Variants in CAPZA2 observed in about 807,000 individuals in gnomAD.
The protein encoded by CAPZA2 is capping actin protein of muscle Z-line subunit alpha 2, also known as F-actin-capping protein subunit alpha-2.
In CAPZA2, 13 loss-of-function variants were observed where a neutral mutation model predicts 44.0. That is an observed-to-expected ratio of 0.30 (90% CI 0.19 to 0.47). The LOEUF is 0.47. CAPZA2 is among the 20% of genes least tolerant of loss of function. The pLI is 1.00. For missense variants in CAPZA2, 244 were observed against 338.6 expected (o/e 0.72, Z 2.19); for synonymous variants, 94 against 108.2 (o/e 0.87, Z 0.81).
At chr7:116,906,582 G>T in intron 6 of CAPZA2, 1 of 508,984 alleles carries the variant, frequency 2.0e-6, no homozygotes, top group Non-Finnish European at 3.1e-6. Context: ...ACAGCATCCT[G>T]AGGGAGCATG....
chr7:116,911,529 C>G (rs963845081), intron 7 of CAPZA2, among the ~76,000 whole-genome samples: 2 of 152,090 alleles, frequency 1.3e-5, no homozygotes, highest in Non-Finnish European at 2.9e-5. Flanking sequence ...TTTTTTAACC[C>G]TCAGAAAGAA....
At chr7:116,874,632 C>G (rs1796598264) in intron 1 of CAPZA2, 2 of 152,208 alleles carry the variant, frequency 1.3e-5, no homozygotes, top group South Asian at 4.1e-4. Flanking sequence ...TGATCCTAAG[C>G]AGCATCTCCT....
At chr7:116,892,800 C>T (rs186440275) in intron 2 of CAPZA2, among the ~76,000 whole-genome samples, 194 bp from the exon 3 acceptor site, 1 of 150,046 alleles carries the variant, frequency 6.7e-6, no homozygotes, top group Admixed American at 6.7e-5. Flanking sequence ...CATTCCCCTT[C>T]ATATTTACTA....
intron 4 of CAPZA2, among the ~76,000 whole-genome samples, chr7:116,899,802 A>C (rs981584010): frequency 4.0e-5 from 6 of 151,672 alleles, no homozygotes; most frequent in African/African-American, 1.4e-4. Flanking sequence ...TAGCCTCCAA[A>C]GTCACTTTAT....
chr7:116,870,598 C>T (rs916186901), intron 1 of CAPZA2, among the ~76,000 whole-genome samples: 3 of 152,150 alleles, frequency 2.0e-5, no homozygotes, highest in Admixed American at 1.3e-4. Context: ...TATGCCACTA[C>T]CATAACCCAG....
At chr7:116,895,517 A>G (rs1450012134) in intron 3 of CAPZA2, among the ~76,000 whole-genome samples, 1 of 152,124 alleles carries the variant, frequency 6.6e-6, no homozygotes, top group Non-Finnish European at 1.5e-5. Context: ...TGATATTCTG[A>G]TCTTTTAAGT....
At chr7:116,896,775 T>C (rs577805044) in intron 3 of CAPZA2, among the ~76,000 whole-genome samples, 2 of 152,210 alleles carry the variant, frequency 1.3e-5, no homozygotes, top group South Asian at 2.1e-4. Flanking sequence ...TCAGTAAGTA[T>C]TTGCATAGAT....
In CAPZA2 at chr7:116,918,989, T is replaced by C. The variant is rs1014496855; in HGVS notation, c.*1122T>C. On this transcript the variant is annotated 3_prime_UTR_variant, in exon 10 of 10. Transcript: ENST00000361183. The stretch of plus-strand genomic sequence containing the variant: ...TACCATAGGGAGTGAAGTGGAGTTA[T>C]GGTTTCATTCAATAGAGTATTGCTG... 2 of 152,130 alleles carry C rather than the reference T, an allele frequency of 1.3e-5. No individual in the cohort carries two copies. Among genetic ancestry groups the C allele is most frequent in the Admixed American group, 6.5e-5 (1 of 15,272 alleles). The allele number at this position is 152,130 out of a possible 1,614,324, so 9.4% of individuals were successfully genotyped here.
rs905329129 is a variant in CAPZA2 at position 116,920,520 on chromosome 7, A to G, written c.*2653A>G. The G allele has an allele frequency of 2.0e-5, 3 of 152,274 alleles. No individual in the cohort carries two copies. Among genetic ancestry groups the G allele is most frequent in the African/African-American group, 7.2e-5 (3 of 41,436 alleles). The allele number at this position is 152,274 out of a possible 1,614,324, so 9.4% of individuals were successfully genotyped here. On this transcript the variant is annotated 3_prime_UTR_variant, in exon 10 of 10. Transcript: ENST00000361183. ...CTAGGTATATCCTAAAGGTAAAATCAGCAAGACCTGGGGAGAGTTTGGTCA... is the reference window on the plus strand; with the variant it reads ...CTAGGTATATCCTAAAGGTAAAATCGGCAAGACCTGGGGAGAGTTTGGTCA...
At chr7:116,888,623 T>C (rs144223902) in intron 2 of CAPZA2, 2 of 152,038 alleles carry the variant, frequency 1.3e-5, no homozygotes, top group African/African-American at 4.9e-5. Flanking sequence ...GGCAGGTCAC[T>C]TGAGACCAGG....
intron 6 of CAPZA2, 96 bp from the exon 7 acceptor site, chr7:116,910,137 C>T: frequency 1.3e-6 from 1 of 742,460 alleles, no homozygotes; most frequent in Admixed American, 2.0e-5. Flanking sequence ...ATCCCCCACA[C>T]TCTCTCATAC....
chr7:116,875,753 C>T (rs1182023815), intron 1 of CAPZA2: 2 of 151,418 alleles, frequency 1.3e-5, no homozygotes, highest in African/African-American at 4.9e-5. Flanking sequence ...CAGGATCTCA[C>T]CATGTTGACC....
chr7:116,917,234 T>C (rs566157199), intron 9 of CAPZA2, among the ~76,000 whole-genome samples: 4 of 152,188 alleles, frequency 2.6e-5, no homozygotes, highest in Admixed American at 2.0e-4. Context: ...CTTTTTCTTC[T>C]AGCTGCTTTT....
intron 1 of CAPZA2, among the ~76,000 whole-genome samples, chr7:116,879,290 A>G (rs1052547368): frequency 6.6e-6 from 1 of 152,186 alleles, no homozygotes; most frequent in African/African-American, 2.4e-5. Context: ...AGCCTGGGTC[A>G]GTCTGGCTCC....
intron 6 of CAPZA2, 102 bp downstream of exon 6, chr7:116,906,444 G>A (rs2115965046): frequency 1.4e-6 from 2 of 1,471,634 alleles, no homozygotes; most frequent in East Asian, 4.9e-5. Context: ...TTATGATTAA[G>A]AACAATTTAG....
At chr7:116,901,866 T>G (rs1796998242) in intron 4 of CAPZA2, among the ~76,000 whole-genome samples, 1 of 140,210 alleles carries the variant, frequency 7.1e-6, no homozygotes, top group Admixed American at 7.1e-5. Flanking sequence ...AAAACATGCT[T>G]GAAATAACGA....
At chr7:116,876,748 G>A (rs185463011) in intron 1 of CAPZA2, among the ~76,000 whole-genome samples, 11 of 152,278 alleles carry the variant, frequency 7.2e-5, no homozygotes, top group Admixed American at 6.5e-4. Context: ...GAGGTTGACA[G>A]AACATACAAA....
chr7:116,877,555 T>G (rs1796638420), intron 1 of CAPZA2, among the ~76,000 whole-genome samples: 1 of 152,222 alleles, frequency 6.6e-6, no homozygotes, highest in Non-Finnish European at 1.5e-5. Context: ...ATAGCCATTA[T>G]TTGAGTGCTT....
intron 3 of CAPZA2, among the ~76,000 whole-genome samples, chr7:116,894,860 G>T (rs75305054): frequency 6.6e-6 from 1 of 151,994 alleles, no homozygotes; most frequent in Admixed American, 6.6e-5. Flanking sequence ...ATAATATTCT[G>T]TTGTATCTGT....
Sources: allele counts gnomAD v4.1 joint callset (sites outside exome capture counted in the v4.1 genomes callset), GRCh38; gene constraint gnomAD v4.1.1; transcripts MANE v1.5; gene names NCBI Gene and HGNC (gene_info 2026-07-23, HGNC 2026-07-21).